The following HBP1 variants were observed in gnomAD, a reference collection of about 807,000 sequenced individuals.
The protein encoded by HBP1 is HMG-box transcription factor 1, also known as HMG box-containing protein 1.
HBP1 carries 20 observed loss-of-function variants against 62.6 expected under a neutral mutation model. That is an observed-to-expected ratio of 0.32 (90% confidence interval 0.22 to 0.46). The LOEUF is 0.46. Among genes scored for constraint, HBP1 ranks in the 20% least tolerant of loss-of-function variants. The pLI is 1.00. For synonymous variants in HBP1, 232 were observed against 206.2 expected, an observed-to-expected ratio of 1.12 and a Z score of -1.07; for missense variants, 480 against 611.8, an observed-to-expected ratio of 0.78 and a Z score of 2.27.
intron 1 of HBP1, among the ~76,000 whole-genome samples, chr7:107,179,173 T>C (rs1478132527): frequency 2.0e-5 from 3 of 152,216 alleles, no homozygotes; most frequent in Non-Finnish European, 4.4e-5. Context: ...CTTCCAGTTT[T>C]TTTTAACTTT....
chr7:107,174,348 T>C lies in HBP1; in HGVS notation c.-16+5163T>C, dbSNP rs115937652. On this transcript the variant is annotated intron_variant, in intron 1 of 10. Transcript: ENST00000222574. The stretch of plus-strand genomic sequence containing the variant: ...TTGAGCAATGAGAGGTGTGAACACA[T>C]AGAACTTATATTCAGTAAATATTTA... 792 of 496,256 alleles carry C rather than the reference T, an allele frequency of 1.6e-3. 8 individuals carry two copies. The highest frequency in any genetic ancestry group is 0.016 in the African/African-American group (760 of 48,060). 30.7% of individuals were successfully genotyped at this position (496,256 alleles called of 1,614,324 possible).
chr7:107,193,468 A>C (rs1472145468), intron 8 of HBP1, among the ~76,000 whole-genome samples: 4 of 152,136 alleles, frequency 2.6e-5, no homozygotes, highest in Admixed American at 2.6e-4. Flanking sequence ...GGCAAAATAC[A>C]CTGTGCCAGC....
Position 107,201,777 on chromosome 7 carries a change from A to C in HBP1, c.*346A>C. On this transcript the variant is annotated 3_prime_UTR_variant, in exon 11 of 11. Coordinates refer to ENST00000222574, the MANE Select transcript of HBP1 (RefSeq NM_012257.4). ...ACATGTTTTATTTTAAATTGTACGA[A>C]AGGGGAATTTAAAAAATATGTAACT... 4.9e-6 allele frequency: 1 copy of C among 204,034 alleles called. No homozygotes were observed. The highest frequency in any genetic ancestry group is 1.1e-4 in the East Asian group (1 of 8,916). The allele number at this position is 204,034 out of a possible 1,614,324, so 12.6% of individuals were successfully genotyped here.
intron 1 of HBP1, among the ~76,000 whole-genome samples, chr7:107,175,576 C>T (rs1562885243): frequency 6.6e-6 from 1 of 152,132 alleles, no homozygotes; most frequent in Non-Finnish European, 1.5e-5. Flanking sequence ...AGTATAGCCT[C>T]AGTGTTCATG....
intron 7 of HBP1, among the ~76,000 whole-genome samples, chr7:107,189,683 TATA>T (rs1365452406): frequency 2.0e-5 from 3 of 152,198 alleles, no homozygotes; most frequent in Non-Finnish European, 4.4e-5. Context: ...TGTAGCATAG[TATA>T]ATAAGCTTTC....
intron 1 of HBP1, among the ~76,000 whole-genome samples, chr7:107,178,328 T>A (rs1237371287): frequency 2.0e-5 from 3 of 152,150 alleles, no homozygotes; most frequent in African/African-American, 7.2e-5. Flanking sequence ...TTTTAAAAAA[T>A]GGAATTTAGA....
At chr7:107,198,845 A>G (rs1182830661) in intron 9 of HBP1, among the ~76,000 whole-genome samples, 1 of 152,246 alleles carries the variant, frequency 6.6e-6, no homozygotes, top group Non-Finnish European at 1.5e-5. Context: ...AACACAGAGT[A>G]TAGTCTACAG....
At chr7:107,171,128 G>A (rs1243131826) in intron 1 of HBP1, among the ~76,000 whole-genome samples, 1 of 138,014 alleles carries the variant, frequency 7.2e-6, no homozygotes, top group Non-Finnish European at 1.5e-5. Context: ...GGAGTGCAGG[G>A]GTGCGATCTC....
intron 8 of HBP1, among the ~76,000 whole-genome samples, chr7:107,191,163 T>A (rs1253006428): frequency 6.6e-6 from 1 of 152,152 alleles, no homozygotes; most frequent in Non-Finnish European, 1.5e-5. Flanking sequence ...TTTATTTCAT[T>A]CAGTTTAATT....
intron 10 of HBP1, chr7:107,200,951 T>G (rs1798233385): frequency 6.5e-6 from 1 of 153,716 alleles, no homozygotes; most frequent in South Asian, 2.1e-4. Context: ...GGGGTCAATT[T>G]GAAGTATCAT....
intron 6 of HBP1, 59 bp from the exon 7 acceptor site, chr7:107,189,233 C>G: frequency 7.1e-7 from 1 of 1,408,946 alleles, no homozygotes; most frequent in Non-Finnish European, 9.9e-7. Context: ...GTAATGGGAA[C>G]TTCACAGTGT....
At position 107,190,295 on chromosome 7, in the gene HBP1, G is replaced by C. The variant is rs756933944; in HGVS notation, c.1045G>C (p.Gly349Arg). The stretch of plus-strand genomic sequence containing the variant: ...CGATGCCATTAATTTTGATGATTCA[G>C]GTGTTTTTGATACATTTAAAAGGTA... ...HPDAINFDDS[G>R]VFDTFKSYDF... Residue 349 changes from glycine to arginine, a missense_variant, in exon 8 of 11, where the codon GGT (glycine) becomes CGT (arginine). Gly to Arg is a moderately radical substitution (Grantham distance 125, BLOSUM62 -2). Coordinates refer to ENST00000222574, the MANE Select transcript of HBP1 (RefSeq NM_012257.4). 2 of 1,609,004 alleles carry C rather than the reference G, an allele frequency of 1.2e-6. No homozygotes were observed. The highest frequency in any genetic ancestry group is 1.7e-6 in the Non-Finnish European group (2 of 1,176,782).
intron 1 of HBP1, among the ~76,000 whole-genome samples, chr7:107,171,854 C>T (rs1324705027): frequency 2.1e-5 from 3 of 141,132 alleles, no homozygotes; most frequent in African/African-American, 5.3e-5. Flanking sequence ...AACGAGACTT[C>T]CTCTCCAAAA....
chr7:107,170,060 A>C (rs530525368), intron 1 of HBP1: 4 of 985,102 alleles, frequency 4.1e-6, no homozygotes, highest in African/African-American at 3.5e-5. Flanking sequence ...TCCGCTGTGC[A>C]CTCTACACTC....
rs774839245 is a variant in HBP1, at chr7:107,182,514, G to A, written c.311G>A (p.Arg104His). ...TCAGACATACCAGAAACTACTTACC[G>A]TGAAAATGAGGTGGACTGGCTAACA... ...NTSDIPETTY[R>H]ENEVDWLTEL... Residue 104 changes from arginine (R) to histidine (H), a missense_variant, in exon 3 of 11, where the codon CGT becomes CAT. Arg to His is a conservative substitution (Grantham distance 29, BLOSUM62 0). Around this residue, in one of 4 missense-constraint regions of HBP1, gnomAD observed 304 missense variants for 330.9 expected, o/e 0.92. Transcript: ENST00000222574. 1.3e-5 allele frequency: 21 copies of A among 1,613,394 alleles called. No individual in the cohort carries two copies. Among genetic ancestry groups the A allele is most frequent in the African/African-American group, 5.3e-5 (4 of 74,894 alleles).
chr7:107,188,523 CCTTT>C (rs1306740368), intron 6 of HBP1, among the ~76,000 whole-genome samples: 1 of 152,074 alleles, frequency 6.6e-6, no homozygotes, highest in Non-Finnish European at 1.5e-5. Context: ...GTGTTTGTCT[CCTTT>C]GTTTTTCTGT....
chr7:107,194,811 G>C (rs1009805871), intron 8 of HBP1, among the ~76,000 whole-genome samples: 6 of 152,214 alleles, frequency 3.9e-5, no homozygotes, highest in African/African-American at 1.4e-4. Flanking sequence ...GGCAGAAAGA[G>C]AGTTAATGCT....
chr7:107,188,326 G>T (rs1295708235), intron 6 of HBP1, among the ~76,000 whole-genome samples: 1 of 152,042 alleles, frequency 6.6e-6, no homozygotes, highest in Non-Finnish European at 1.5e-5. Context: ...TTTCAAAGTT[G>T]TTATTATCAT....
At chr7:107,174,181 TTGAG>T (rs1796731167) in intron 1 of HBP1, among the ~76,000 whole-genome samples, 1 of 152,148 alleles carries the variant, frequency 6.6e-6, no homozygotes. Context: ...GAGTCTGAGA[TTGAG>T]TGAGTGACCT....
Sources: gnomAD v4.1 joint callset for allele counts (sites outside exome capture counted in the v4.1 genomes callset) on GRCh38, gnomAD v4.1.1 for gene constraint, gnomAD v4.1.1 regional missense constraint, MANE v1.5 for transcripts, NCBI Gene and HGNC (gene_info 2026-07-23, HGNC 2026-07-21) for gene names.